The following LHFPL6 variants were observed in gnomAD, a reference collection of about 807,000 sequenced individuals.
The protein encoded by LHFPL6 is LHFPL tetraspan subfamily member 6.
In LHFPL6, 9 loss-of-function variants were observed where a neutral mutation model predicts 20.6. The ratio of observed to expected loss-of-function variants is 0.44; its 90% CI spans 0.26 to 0.76. The LOEUF is 0.76. Among genes scored for constraint, LHFPL6 ranks in the 30% least tolerant of loss-of-function variants. LHFPL6 has a pLI of 0.20. For missense variants in LHFPL6, 218 were observed against 253.5 expected (o/e 0.86, Z 0.95); for synonymous variants, 105 against 98.7 (o/e 1.06, Z -0.38).
At chr13:39,463,282 T>C (rs1033073967) in intron 2 of LHFPL6, among the ~76,000 whole-genome samples, 1 of 152,106 alleles carries the variant, frequency 6.6e-6, no homozygotes, top group Non-Finnish European at 1.5e-5. Context: ...CTACAACTTC[T>C]CCCCAATCAT....
chr13:39,543,065 C>T (rs1870862907), intron 2 of LHFPL6, among the ~76,000 whole-genome samples: 1 of 152,180 alleles, frequency 6.6e-6, no homozygotes, highest in African/African-American at 2.4e-5. Flanking sequence ...CTTTCTGTCT[C>T]TATGAATTTA....
At chr13:39,352,908 A>AATGTATATATAT (rs1869616414) in intron 3 of LHFPL6, among the ~76,000 whole-genome samples, 3 of 31,654 alleles carry the variant, frequency 9.5e-5, no homozygotes, top group Admixed American at 4.2e-4. Flanking sequence ...TATATATATA[A>AATGTATATATAT]ATGTATATAT....
chr13:39,435,554 C>A (rs1224861848), intron 2 of LHFPL6, among the ~76,000 whole-genome samples: 1 of 152,150 alleles, frequency 6.6e-6, no homozygotes, highest in Non-Finnish European at 1.5e-5. Flanking sequence ...TTCCAAATGA[C>A]TAATGTACAA....
At chr13:39,390,576 ACTAC>A (rs1178625386) in intron 2 of LHFPL6, among the ~76,000 whole-genome samples, 5 of 152,158 alleles carry the variant, frequency 3.3e-5, no homozygotes, top group Non-Finnish European at 1.5e-5. Flanking sequence ...GAGACGAAAT[ACTAC>A]CTGTCAGGTA....
chr13:39,345,499 C>T (rs188505208), intron 3 of LHFPL6, among the ~76,000 whole-genome samples: 2 of 62,176 alleles, frequency 3.2e-5, no homozygotes, highest in East Asian at 7.2e-4. Context: ...GGTCAGGGAG[C>T]GAGACTCCAT....
chr13:39,385,721 T>C (rs1870546964), intron 2 of LHFPL6, among the ~76,000 whole-genome samples: 1 of 152,202 alleles, frequency 6.6e-6, no homozygotes, highest in Non-Finnish European at 1.5e-5. Flanking sequence ...ACACAGTACT[T>C]AACACTTAGC....
At chr13:39,432,696 T>TA (rs113873564) in intron 2 of LHFPL6, among the ~76,000 whole-genome samples, 4 of 152,012 alleles carry the variant, frequency 2.6e-5, no homozygotes, top group Non-Finnish European at 5.9e-5. Flanking sequence ...ATGATTTACT[T>TA]AAAAAAAATT....
chr13:39,564,490 A>G (rs141273308), intron 2 of LHFPL6, among the ~76,000 whole-genome samples: 122 of 152,306 alleles, frequency 8.0e-4, no homozygotes, highest in African/African-American at 2.6e-3. Context: ...ACAAAACCCA[A>G]GAGCATTAAA....
intron 3 of LHFPL6, among the ~76,000 whole-genome samples, chr13:39,369,567 T>TTTTCTTCC (rs1870101870): frequency 3.6e-5 from 1 of 27,798 alleles, no homozygotes; most frequent in African/African-American, 9.9e-5. Context: ...TCATAGTAGG[T>TTTTCTTCC]TTCCTTCCTT....
At chr13:39,580,982 A>G (rs1872264640) in intron 2 of LHFPL6, among the ~76,000 whole-genome samples, 1 of 152,240 alleles carries the variant, frequency 6.6e-6, no homozygotes, top group South Asian at 2.1e-4. Context: ...AAAAAGTACT[A>G]ACACTTCATT....
intron 2 of LHFPL6, among the ~76,000 whole-genome samples, chr13:39,383,753 A>G (rs1435458428): frequency 3.3e-5 from 5 of 152,236 alleles, no homozygotes; most frequent in Admixed American, 3.3e-4. Flanking sequence ...TACTCTGTCA[A>G]TAAGAAGCTC....
At chr13:39,528,029 A>G (rs1301095667) in intron 2 of LHFPL6, among the ~76,000 whole-genome samples, 1 of 152,210 alleles carries the variant, frequency 6.6e-6, no homozygotes, top group East Asian at 1.9e-4. Context: ...ATGAACTAGT[A>G]CTAAATCAAT....
At chr13:39,450,603 A>AT (rs1872415862) in intron 2 of LHFPL6, among the ~76,000 whole-genome samples, 1 of 152,072 alleles carries the variant, frequency 6.6e-6, no homozygotes, top group Non-Finnish European at 1.5e-5. Flanking sequence ...CTTCAAGCTG[A>AT]TTTTGCCTAC....
intron 2 of LHFPL6, among the ~76,000 whole-genome samples, chr13:39,522,098 T>C (rs997540848): frequency 2.0e-5 from 3 of 152,164 alleles, no homozygotes; most frequent in African/African-American, 7.2e-5. Context: ...GATTTCCAAC[T>C]TTTGTCACAT....
At chr13:39,382,649 A>G (rs1020440173) in intron 2 of LHFPL6, among the ~76,000 whole-genome samples, 1 of 152,120 alleles carries the variant, frequency 6.6e-6, no homozygotes, top group Admixed American at 6.5e-5. Context: ...CAGCCTCCCA[A>G]ACTGCTGGGA....
intron 2 of LHFPL6, among the ~76,000 whole-genome samples, chr13:39,395,414 T>G (rs377131472): frequency 6.6e-6 from 1 of 152,206 alleles, no homozygotes; most frequent in African/African-American, 2.4e-5. Context: ...ACTTTTCCCC[T>G]TGGGCTGCTT....
In LHFPL6 at chr13:39,559,811, T is replaced by A. The variant is rs534596118; in HGVS notation, c.385+41021A>T. Among the ~76,000 whole-genome samples the A allele has an allele frequency of 2.0e-4, 30 of 152,348 alleles. No individual in the cohort carries two copies. In the South Asian group the frequency reaches 5.8e-3, roughly 29 times the overall value. ...CAGGAAAATCTTCTCAACTATATTA[T>A]TAATAATGTGTTTTATTGAATTAAA... On this transcript the variant is annotated intron_variant, in intron 2 of 3. Coordinates refer to ENST00000379589, the MANE Select transcript of LHFPL6 (RefSeq NM_005780.3).
intron 2 of LHFPL6, among the ~76,000 whole-genome samples, chr13:39,421,345 A>G (rs192781757): frequency 2.6e-4 from 40 of 152,348 alleles, no homozygotes; most frequent in Admixed American, 2.4e-3. Flanking sequence ...AGATATTACT[A>G]AATGTTGAAT....
chr13:39,436,290 T>C (rs1320432886), intron 2 of LHFPL6, among the ~76,000 whole-genome samples: 3 of 152,320 alleles, frequency 2.0e-5, no homozygotes, highest in African/African-American at 7.2e-5. Context: ...TGTACTTCAA[T>C]GTCAACTATA....
Sources: gnomAD v4.1 joint callset for allele counts (sites outside exome capture counted in the v4.1 genomes callset) on GRCh38, gnomAD v4.1.1 for gene constraint, MANE v1.5 for transcripts, NCBI Gene and HGNC (gene_info 2026-07-23, HGNC 2026-07-21) for gene names.